Variants in DNAJC3 observed in about 807,000 individuals in gnomAD.
The protein encoded by DNAJC3 is dnaJ homolog subfamily C member 3.
A neutral mutation model predicts 68.6 loss-of-function variants in DNAJC3; 38 were observed. The ratio of observed to expected loss-of-function variants is 0.55; its 90% CI spans 0.43 to 0.73. The LOEUF is 0.73. Ranked by LOEUF, DNAJC3 falls within the 30% of genes least tolerant of loss-of-function variation. The probability of loss-of-function intolerance (pLI) is 0.00; values close to 1 mark genes in which losing one functional copy is unlikely to be tolerated. For missense variants in DNAJC3, 526 were observed against 591.9 expected (o/e 0.89, Z 1.16); for synonymous variants, 203 against 204.0 (o/e 1.00, Z 0.04).
chr13:95,725,132 G>T, intron 3 of DNAJC3, 46 bp from the exon 4 acceptor site: 1 of 1,303,478 alleles, frequency 7.7e-7, no homozygotes. Flanking sequence ...AAAAGATTTA[G>T]AAATCTATAA....
intron 9 of DNAJC3, among the ~76,000 whole-genome samples, chr13:95,764,407 T>C (rs1882916298): frequency 6.8e-6 from 1 of 148,024 alleles, no homozygotes; most frequent in Non-Finnish European, 1.5e-5. Flanking sequence ...TCGGTGTGTA[T>C]AAAACATAAA....
At chr13:95,773,954 C>G (rs1883233047) in intron 9 of DNAJC3, among the ~76,000 whole-genome samples, 1 of 152,052 alleles carries the variant, frequency 6.6e-6, no homozygotes, top group Non-Finnish European at 1.5e-5. Context: ...CCAGGATGGT[C>G]TCGATCTCCT....
intron 11 of DNAJC3, among the ~76,000 whole-genome samples, chr13:95,787,777 T>C (rs1313317087): frequency 6.6e-6 from 1 of 152,154 alleles, no homozygotes; most frequent in Non-Finnish European, 1.5e-5. Context: ...GTTCTGAGAT[T>C]ACAGGTGTGA....
intron 4 of DNAJC3, among the ~76,000 whole-genome samples, chr13:95,741,231 C>G (rs1882132673): frequency 6.6e-6 from 1 of 151,904 alleles, no homozygotes; most frequent in African/African-American, 2.4e-5. Flanking sequence ...AGGACTTTTT[C>G]CTTAAGATGT....
intron 1 of DNAJC3, among the ~76,000 whole-genome samples, chr13:95,683,945 A>AT (rs1879999892): frequency 6.6e-6 from 1 of 151,512 alleles, no homozygotes; most frequent in Non-Finnish European, 1.5e-5. Flanking sequence ...AAAAAAAAAA[A>AT]AAAAAATTAC....
chr13:95,689,978 T>C (rs1419214170), intron 1 of DNAJC3, among the ~76,000 whole-genome samples: 1 of 152,202 alleles, frequency 6.6e-6, no homozygotes, highest in Admixed American at 6.5e-5. Context: ...TTGGACTTTT[T>C]TTTTTCTTTT....
intron 1 of DNAJC3, among the ~76,000 whole-genome samples, chr13:95,677,907 G>A (rs1489408442): frequency 6.6e-6 from 1 of 152,148 alleles, no homozygotes; most frequent in Non-Finnish European, 1.5e-5. Context: ...ATGAGGAGCC[G>A]CTGTTGGAAT....
chr13:95,739,111 G>T (rs1216266475), intron 4 of DNAJC3, among the ~76,000 whole-genome samples: 2 of 150,876 alleles, frequency 1.3e-5, no homozygotes, highest in South Asian at 4.2e-4. Context: ...ATGCAATTCT[G>T]GGTTGAAAAT....
chr13:95,788,404 C>T (rs1253639723), intron 11 of DNAJC3, among the ~76,000 whole-genome samples: 1 of 152,220 alleles, frequency 6.6e-6, no homozygotes, highest in Non-Finnish European at 1.5e-5. Flanking sequence ...GGTGTCCCTG[C>T]ACAGAGGCAT....
At chr13:95,779,339 T>C (rs1201194508) in intron 9 of DNAJC3, among the ~76,000 whole-genome samples, 2 of 152,096 alleles carry the variant, frequency 1.3e-5, no homozygotes, top group African/African-American at 2.4e-5. Flanking sequence ...TTAGCCAGGA[T>C]GGTCTCGATC....
intron 11 of DNAJC3, among the ~76,000 whole-genome samples, chr13:95,789,324 A>G (rs555444995): frequency 1.6e-4 from 24 of 152,188 alleles, no homozygotes; most frequent in African/African-American, 5.3e-4. Context: ...TCACCCTCCA[A>G]TAGGCCCCAG....
chr13:95,701,494 C>G (rs1370192602), intron 1 of DNAJC3, among the ~76,000 whole-genome samples: 1 of 151,944 alleles, frequency 6.6e-6, no homozygotes, highest in Non-Finnish European at 1.5e-5. Flanking sequence ...TCCTGGCCAT[C>G]CCCCTGTAAC....
At chr13:95,709,366 T>C in intron 2 of DNAJC3, 29 bp downstream of exon 2, 1 of 1,518,632 alleles carries the variant, frequency 6.6e-7, no homozygotes, top group Non-Finnish European at 9.0e-7. Context: ...AATCACTCAG[T>C]GTCTGTCTTA....
At position 95,786,945 on chromosome 13, in the gene DNAJC3, AT is replaced by A. The variant is rs1883619284; in HGVS notation, c.1209-57del. The A allele has an allele frequency of 1.6e-5, 25 of 1,552,200 alleles. No individual in the cohort carries two copies. In the South Asian group the frequency reaches 3.1e-4, roughly 19 times the overall value. On this transcript the variant is annotated intron_variant, in intron 10 of 11. Coordinates refer to ENST00000602402, the MANE Select transcript of DNAJC3 (RefSeq NM_006260.5). ...AGTAGGATCTTAATCAGCTCTTCTG[AT>A]TTTTATGATAGTATGTTAGACACTT...
At chr13:95,739,401 TA>T (rs1328738359) in intron 4 of DNAJC3, among the ~76,000 whole-genome samples, 16 of 151,384 alleles carry the variant, frequency 1.1e-4, no homozygotes. Context: ...TTCTCCTGGA[TA>T]ATATCCTGCA....
chr13:95,787,368 A>G (rs954456513), intron 11 of DNAJC3, among the ~76,000 whole-genome samples: 8 of 152,318 alleles, frequency 5.3e-5, no homozygotes, highest in African/African-American at 1.9e-4. Context: ...TCAAATGTGG[A>G]ATCAGAGGGC....
chr13:95,694,394 C>G (rs1880369958), intron 1 of DNAJC3: 1 of 152,592 alleles, frequency 6.6e-6, no homozygotes, highest in African/African-American at 2.4e-5. Flanking sequence ...CCCACAGCAC[C>G]ACTAATAACC....
intron 4 of DNAJC3, among the ~76,000 whole-genome samples, chr13:95,738,692 C>T (rs1475554519): frequency 6.6e-6 from 1 of 152,126 alleles, no homozygotes; most frequent in Non-Finnish European, 1.5e-5. Context: ...CTTCCTCCAT[C>T]CTTTTATTTT....
chr13:95,725,739 A>G (rs17880149), intron 4 of DNAJC3, among the ~76,000 whole-genome samples: 1,891 of 149,764 alleles, frequency 0.013, 46 homozygotes, highest in African/African-American at 0.045. Flanking sequence ...TTTGTTACGT[A>G]TGTATACATG....
Sources: gnomAD v4.1 joint callset for allele counts (sites outside exome capture counted in the v4.1 genomes callset) on GRCh38, gnomAD v4.1.1 for gene constraint, MANE v1.5 for transcripts, NCBI Gene and HGNC (gene_info 2026-07-23, HGNC 2026-07-21) for gene names.